PTPRD: variants seen among roughly 807,000 people sequenced by gnomAD.
The protein encoded by PTPRD is protein tyrosine phosphatase receptor type D.
A neutral mutation model predicts 214.5 loss-of-function variants in PTPRD; 34 were observed. The ratio of observed to expected loss-of-function variants is 0.16; its 90% CI spans 0.12 to 0.21. The LOEUF (loss-of-function observed/expected upper bound fraction) is 0.21, where lower values mean the gene tolerates loss of function less well. Ranked by LOEUF, PTPRD falls within the 10% of genes least tolerant of loss-of-function variation. The pLI is 1.00. For synonymous variants in PTPRD, 1,128 were observed against 845.7 expected (o/e 1.33, Z -5.79); for missense variants, 2,545 against 2,398.7 (o/e 1.06, Z -1.27).
At chr9:10,059,290 A>C (rs1204934555) in intron 3 of PTPRD, among the ~76,000 whole-genome samples, 4 of 152,152 alleles carry the variant, frequency 2.6e-5, no homozygotes, top group Admixed American at 6.5e-5. Flanking sequence ...CATGTTGCGC[A>C]ATACTCATGG....
chr9:8,716,183 G>C (rs545800750), intron 12 of PTPRD, among the ~76,000 whole-genome samples: 2 of 152,324 alleles, frequency 1.3e-5, no homozygotes, highest in African/African-American at 4.8e-5. Flanking sequence ...CAGGAGAAGA[G>C]AGGGGGAGCC....
chr9:10,227,698 C>A (rs1182301955), intron 3 of PTPRD, among the ~76,000 whole-genome samples: 1 of 151,860 alleles, frequency 6.6e-6, no homozygotes. Flanking sequence ...AAAACAGAGA[C>A]CTATGTATTT....
intron 14 of PTPRD, among the ~76,000 whole-genome samples, chr9:8,568,290 A>C (rs1310630046): frequency 6.6e-6 from 1 of 152,122 alleles, no homozygotes; most frequent in Non-Finnish European, 1.5e-5. Context: ...AACCAGGACC[A>C]AGAATTTCAT....
chr9:8,834,183 T>C (rs568081290), intron 11 of PTPRD, among the ~76,000 whole-genome samples: 2 of 152,224 alleles, frequency 1.3e-5, no homozygotes, highest in Non-Finnish European at 2.9e-5. Context: ...ATTCAATAGT[T>C]CAAGGGAAAA....
chr9:8,839,862 T>A (rs1380124453), intron 11 of PTPRD, among the ~76,000 whole-genome samples: 1 of 152,122 alleles, frequency 6.6e-6, no homozygotes, highest in Non-Finnish European at 1.5e-5. Flanking sequence ...AAGCAGCAGT[T>A]ATGATGAGGC....
At chr9:8,364,835 G>C (rs2079400385) in intron 39 of PTPRD, among the ~76,000 whole-genome samples, 1 of 152,142 alleles carries the variant, frequency 6.6e-6, no homozygotes, top group African/African-American at 2.4e-5. Flanking sequence ...CATTATTCAT[G>C]GGCTTGAAGA....
At chr9:10,386,135 C>G (rs1420684336) in intron 2 of PTPRD, among the ~76,000 whole-genome samples, 1 of 151,798 alleles carries the variant, frequency 6.6e-6, no homozygotes, top group Non-Finnish European at 1.5e-5. Context: ...TTAAAATCCA[C>G]TGGCTATGAT....
intron 2 of PTPRD, among the ~76,000 whole-genome samples, chr9:10,342,853 T>A (rs7045309): frequency 0.17 from 25,824 of 152,064 alleles, 3,877 homozygotes; most frequent in African/African-American, 0.4. Flanking sequence ...CATATGTCCA[T>A]CCAGAGATTA....
chr9:10,204,621 G>C (rs923845668), intron 3 of PTPRD, among the ~76,000 whole-genome samples: 1 of 152,094 alleles, frequency 6.6e-6, no homozygotes, highest in Non-Finnish European at 1.5e-5. Flanking sequence ...GCTTAGTAAT[G>C]TGTATAACTA....
At chr9:9,272,475 T>C (rs1322343633) in intron 9 of PTPRD, among the ~76,000 whole-genome samples, 1 of 150,960 alleles carries the variant, frequency 6.6e-6, no homozygotes, top group Non-Finnish European at 1.5e-5. Context: ...TAATCACACA[T>C]CCCCCGATCC....
chr9:10,444,977 T>C (rs2154524515), intron 2 of PTPRD, among the ~76,000 whole-genome samples: 1 of 152,106 alleles, frequency 6.6e-6, no homozygotes, highest in Middle Eastern at 3.4e-3. Flanking sequence ...ACAAATGTTG[T>C]TAAGAGAAGG....
At chr9:8,592,882 G>C (rs992634179) in intron 14 of PTPRD, among the ~76,000 whole-genome samples, 1 of 152,246 alleles carries the variant, frequency 6.6e-6, no homozygotes, top group African/African-American at 2.4e-5. Flanking sequence ...TAGCACCTAA[G>C]TTGAATCGTG....
rs145303203 is a variant in PTPRD at position 8,524,965 on chromosome 9, C to T, written c.639G>A (p.Ala213=). The part of the protein sequence containing the change: ...GKYECVATNS[A]GTRYSAPANL... ...TGGCAGGAGCGGAATAGCGAGTGCC[C>T]GCGCTGTTGGTGGCAACACACTCAT... The change falls in exon 18 of 46, where the codon GCG becomes GCA. Residue 213 remains alanine (A), a synonymous_variant. Coordinates refer to ENST00000381196, the MANE Select transcript of PTPRD (RefSeq NM_002839.4). The T allele has an allele frequency of 4.9e-5, 79 of 1,613,620 alleles. No homozygotes were observed. In the African/African-American group the frequency reaches 8.0e-4, roughly 16 times the overall value.
chr9:10,049,618 C>T (rs1385440683), intron 3 of PTPRD, among the ~76,000 whole-genome samples: 5 of 152,102 alleles, frequency 3.3e-5, no homozygotes, highest in African/African-American at 9.7e-5. Flanking sequence ...GCTATATATA[C>T]TATGTGAGGG....
chr9:9,907,872 T>C (rs1482396035), intron 5 of PTPRD, among the ~76,000 whole-genome samples: 2 of 151,984 alleles, frequency 1.3e-5, no homozygotes, highest in Non-Finnish European at 2.9e-5. Flanking sequence ...ACCAGTAACA[T>C]GTATTATAGA....
chr9:9,217,172 T>A (rs1210863992), intron 9 of PTPRD, among the ~76,000 whole-genome samples: 2 of 152,110 alleles, frequency 1.3e-5, no homozygotes, highest in African/African-American at 4.8e-5. Flanking sequence ...CTTGTTCCCT[T>A]TGCAACTCTG....
intron 7 of PTPRD, among the ~76,000 whole-genome samples, chr9:9,719,020 G>A (rs955673912): frequency 6.6e-6 from 1 of 152,154 alleles, no homozygotes; most frequent in African/African-American, 2.4e-5. Context: ...AGTTTTGGGT[G>A]GAGTCAGTGA....
chr9:9,106,396 A>G (rs912800184), intron 10 of PTPRD, among the ~76,000 whole-genome samples: 3 of 151,842 alleles, frequency 2.0e-5, no homozygotes, highest in Non-Finnish European at 4.4e-5. Flanking sequence ...AATTTATTTA[A>G]TCTTTCCAGC....
chr9:8,376,680 C>G lies in PTPRD; in HGVS notation c.4433G>C (p.Gly1478Ala). 1 of 1,613,066 alleles carries G rather than the reference C, an allele frequency of 6.2e-7. No homozygotes were observed. Among genetic ancestry groups the G allele is most frequent in the South Asian group, 1.1e-5 (1 of 91,070 alleles). The change falls in exon 38 of 46, where the codon GGA becomes GCA. Residue 1478 changes from glycine to alanine, a missense_variant. Physicochemically the swap from Gly to Ala is moderately conservative, Grantham distance 60. Coordinates refer to ENST00000381196, the MANE Select transcript of PTPRD (RefSeq NM_002839.4). ...ATCAAGCAGCGTTACTTGAACGAGT[C>G]CGTGGGTTTCTGTGCCTCTGCTAGG... ...YWPSRGTETH[G>A]LVQVTLLDTV...
Sources: allele counts gnomAD v4.1 joint callset (sites outside exome capture counted in the v4.1 genomes callset), GRCh38; gene constraint gnomAD v4.1.1; transcripts MANE v1.5; gene names NCBI Gene and HGNC (gene_info 2026-07-23, HGNC 2026-07-21).